Variants in IL7 observed in about 807,000 individuals in gnomAD.
IL7 encodes interleukin 7, also known as interleukin-7.
In IL7, 3 loss-of-function variants were observed where a neutral mutation model predicts 21.6. That is an observed-to-expected ratio of 0.14 (90% CI 0.06 to 0.36). The LOEUF (loss-of-function observed/expected upper bound fraction) is 0.36. Among genes scored for constraint, IL7 ranks in the 10% least tolerant of loss-of-function variants. The pLI, the probability that IL7 is intolerant of heterozygous loss-of-function variation, is 1.00. For synonymous variants in IL7, 62 were observed against 68.1 expected, an observed-to-expected ratio of 0.91 and a Z score of 0.44; for missense variants, 175 against 200.2, an observed-to-expected ratio of 0.87 and a Z score of 0.76.
At chr8:78,713,033 A>G (rs770254569), downstream of IL7, among the ~76,000 whole-genome samples, 1 of 152,174 alleles carries the variant, frequency 6.6e-6, no homozygotes, top group Non-Finnish European at 1.5e-5. Context: ...GCCGTTTTTC[A>G]TTTTGCTGAT....
intron 2 of IL7, among the ~76,000 whole-genome samples, chr8:78,781,194 T>C (rs547232366): frequency 1.3e-5 from 2 of 152,218 alleles, no homozygotes; most frequent in Non-Finnish European, 2.9e-5. Context: ...TGCCTTTTAA[T>C]TGGGGCATTT....
chr8:78,686,814 T>C lies in IL7; in HGVS notation n.215-867A>G, dbSNP rs151231016. 7.2e-3 allele frequency among the ~76,000 whole-genome samples: 1,096 copies of C among 152,274 alleles called. 8 individuals are homozygous for C. The highest frequency in any genetic ancestry group is 0.012 in the Non-Finnish European group (787 of 68,016). ...TAGAACATGGAAGTGTATTATGTTT[T>C]TATTTTAATACTTTTATTTAAACAA... On this transcript the variant is annotated intron_variant and non_coding_transcript_variant, in intron 3 of 4. Transcript: ENST00000523959.
At chr8:78,779,788 T>C (rs765983100) in intron 2 of IL7, among the ~76,000 whole-genome samples, 7 of 152,126 alleles carry the variant, frequency 4.6e-5, no homozygotes, top group Non-Finnish European at 7.4e-5. Flanking sequence ...TTTTCAATTG[T>C]TTGGAATAAT....
At chr8:78,709,736 A>T (rs1810896098) in intron 3 of IL7, among the ~76,000 whole-genome samples, 2 of 151,570 alleles carry the variant, frequency 1.3e-5, no homozygotes, top group Admixed American at 6.6e-5. Context: ...AAAAAAAAAA[A>T]TTTCATAATG....
At chr8:78,757,579 C>G (rs1235638116) in intron 2 of IL7, among the ~76,000 whole-genome samples, 1 of 151,928 alleles carries the variant, frequency 6.6e-6, no homozygotes, top group Non-Finnish European at 1.5e-5. Flanking sequence ...AGTGTTGAGT[C>G]CATATATATT....
intron 2 of IL7, among the ~76,000 whole-genome samples, chr8:78,796,387 A>C (rs748204761): frequency 2.6e-5 from 4 of 152,084 alleles, no homozygotes; most frequent in Non-Finnish European, 5.9e-5. Context: ...TATGCTGAAA[A>C]GAACAAAGCT....
intron 1 of IL7, among the ~76,000 whole-genome samples, chr8:78,799,953 G>T (rs969374494): frequency 6.6e-6 from 1 of 152,168 alleles, no homozygotes; most frequent in African/African-American, 2.4e-5. Flanking sequence ...GACCAGAGCA[G>T]ATTTCTTACT....
At chr8:78,796,423 G>C (rs1260747745) in intron 2 of IL7, among the ~76,000 whole-genome samples, 1 of 151,892 alleles carries the variant, frequency 6.6e-6, no homozygotes, top group Non-Finnish European at 1.5e-5. Context: ...ATTTTCAATT[G>C]CATCTTCTTT....
intron 3 of IL7, among the ~76,000 whole-genome samples, chr8:78,711,532 G>A (rs538561006): frequency 6.6e-6 from 1 of 152,116 alleles, no homozygotes; most frequent in South Asian, 2.1e-4. Flanking sequence ...AAGTCAAATG[G>A]AGTACATGTT....
At chr8:78,711,544 T>C (rs1191641768) in intron 3 of IL7, among the ~76,000 whole-genome samples, 1 of 152,096 alleles carries the variant, frequency 6.6e-6, no homozygotes, top group Non-Finnish European at 1.5e-5. Flanking sequence ...GTACATGTTA[T>C]TTAGTCAATT....
At chr8:78,789,660 G>T (rs560182053) in intron 2 of IL7, among the ~76,000 whole-genome samples, 1 of 152,100 alleles carries the variant, frequency 6.6e-6, no homozygotes, top group African/African-American at 2.4e-5. Context: ...GTTAGTCAGG[G>T]CCCACTGACA....
At chr8:78,757,356 T>C (rs1812381843) in intron 2 of IL7, among the ~76,000 whole-genome samples, 1 of 152,072 alleles carries the variant, frequency 6.6e-6, no homozygotes, top group Admixed American at 6.6e-5. Context: ...AGAATGTGTA[T>C]TCTGTAGCTG....
intron 4 of IL7, among the ~76,000 whole-genome samples, chr8:78,684,718 G>A (rs546938326): frequency 6.6e-6 from 1 of 152,214 alleles, no homozygotes; most frequent in Non-Finnish European, 1.5e-5. Context: ...CAGCAAACAG[G>A]CTCTTGAGAC....
At position 78,740,009 on chromosome 8, in the gene IL7, G is replaced by A. The variant is rs2130690514; in HGVS notation, c.221C>T (p.Ala74Val). The A allele has an allele frequency of 6.5e-7, 1 of 1,527,990 alleles. No individual in the cohort carries two copies. Among genetic ancestry groups the A allele is most frequent in the Non-Finnish European group, 8.7e-7 (1 of 1,144,938 alleles). 94.7% of individuals were successfully genotyped at this position (1,527,990 alleles called of 1,614,324 possible). ...CCAAATAATTATCATTACCTTATTA[G>A]CATCACAGATATGTCTTTTAAAAAA... is the stretch of plus-strand genomic sequence containing the variant. ...FNFFKRHICD[A>V]NKEGMFLFRA... The change falls in exon 3 of 6, where the codon GCT (alanine) becomes GTT (valine). Residue 74 changes from alanine to valine, a missense_variant. Ala to Val is a moderately conservative substitution (Grantham distance 64). Transcript: ENST00000263851.
chr8:78,678,509 G>T (rs1809658174), intron 4 of IL7: 8 of 1,425,092 alleles, frequency 5.6e-6, no homozygotes, highest in Admixed American at 2.0e-5. Flanking sequence ...AAGTTCTGTA[G>T]TCTTACCTTC....
At chr8:78,704,910 C>T (rs566359396) in intron 3 of IL7, among the ~76,000 whole-genome samples, 11 of 152,208 alleles carry the variant, frequency 7.2e-5, no homozygotes, top group African/African-American at 2.6e-4. Context: ...CTTGTGATTC[C>T]ATTATGAAAT....
intron 1 of IL7, among the ~76,000 whole-genome samples, chr8:78,802,291 A>G (rs1264064507): frequency 6.6e-6 from 1 of 152,226 alleles, no homozygotes; most frequent in Non-Finnish European, 1.5e-5. Flanking sequence ...TCCATTGCAT[A>G]GACCTATTTT....
chr8:78,687,472 A>G (rs1469766458), intron 3 of IL7, among the ~76,000 whole-genome samples: 3 of 145,452 alleles, frequency 2.1e-5, no homozygotes, highest in African/African-American at 5.0e-5. Context: ...TTATATATAT[A>G]TTTATATATA....
intron 2 of IL7, among the ~76,000 whole-genome samples, chr8:78,797,493 A>G (rs1813898178): frequency 6.6e-6 from 1 of 151,998 alleles, no homozygotes; most frequent in African/African-American, 2.4e-5. Context: ...GAGAGAGAGC[A>G]TATGGGAATT....
Sources: gnomAD v4.1 joint callset for allele counts (sites outside exome capture counted in the v4.1 genomes callset) on GRCh38, gnomAD v4.1.1 for gene constraint, MANE v1.5 for transcripts, NCBI Gene and HGNC (gene_info 2026-07-23, HGNC 2026-07-21) for gene names.